Variants in SKOR2 observed in about 807,000 individuals in gnomAD.
SKOR2 encodes SKI family transcriptional corepressor 2, also known as LBX1 corepressor 1-like protein.
Under a neutral mutation model 69.1 loss-of-function variants are expected in SKOR2, and 47 were observed. The observed-to-expected ratio is 0.68, with a 90% confidence interval of 0.54 to 0.87. The LOEUF (loss-of-function observed/expected upper bound fraction) is 0.87. SKOR2 is among the 40% of genes least tolerant of loss of function. The pLI is 0.00. For synonymous variants in SKOR2, 717 were observed against 672.6 expected (o/e 1.07, Z -1.02); for missense variants, 1,404 against 1,472.2 (o/e 0.95, Z 0.76).
At chr18:47,250,011 TG>T (rs1168913859) in intron 1 of SKOR2, among the ~76,000 whole-genome samples, 1 of 152,212 alleles carries the variant, frequency 6.6e-6, no homozygotes, top group African/African-American at 2.4e-5. Context: ...ATTTAAAAAC[TG>T]TTTTACTGTC....
Position 47,247,679 on chromosome 18 carries a change from CT to C in SKOR2, c.1504del (p.Ser502AlafsTer34). The C allele has an allele frequency of 7.3e-7, 1 of 1,372,282 alleles. No individual in the cohort carries two copies. The highest frequency in any genetic ancestry group is 9.4e-7 in the Non-Finnish European group (1 of 1,067,868). The allele number at this position is 1,372,282 out of a possible 1,614,324, so 85.0% of individuals were successfully genotyped here. A position where few individuals can be genotyped will look rare whatever the true frequency, so the allele number is the denominator to read the frequency against. On this transcript the variant is annotated frameshift_variant, in exon 2 of 9. Coordinates refer to ENST00000425639, the MANE Select transcript of SKOR2 (RefSeq NM_001278063.4). LOFTEE classifies it high-confidence loss of function. This position sits in a 1 kb window ranked among gnomAD's most constrained non-coding sequence, Gnocchi z 6.6. ...GAAGGCCTGGCGCAGCAGGGCCGGGCTTTCGCCTAGCGCGCAGCCTAGCGCC... is the reference window on the plus strand; with the variant it reads ...GAAGGCCTGGCGCAGCAGGGCCGGGCTTCGCCTAGCGCGCAGCCTAGCGCC... ...PSALGCALGE[S>X]PALLRQAFLD... is the part of the protein sequence containing the mutation.
At position 47,248,238 on chromosome 18, in the gene SKOR2, C is replaced by A. The variant is rs1332393433; in HGVS notation, c.946G>T (p.Asp316Tyr). 2 of 1,220,550 alleles carry A rather than the reference C, an allele frequency of 1.6e-6. No individual in the cohort carries two copies. Among genetic ancestry groups the A allele is most frequent in the East Asian group, 6.7e-5 (2 of 29,902 alleles). The allele number at this position is 1,220,550 out of a possible 1,614,324, so 75.6% of individuals were successfully genotyped here. A position where few individuals can be genotyped will look rare whatever the true frequency, so the allele number is the denominator to read the frequency against. ...ACTACGGCGGCCTCCTGCAAGGAGT[C>A]GTCGTCGTCGTCGAAGCGCGGCCGC... ...HKRPRFDDDD[D>Y]SLQEAAVVAA... Residue 316 changes from aspartate (D) to tyrosine (Y), a missense_variant, in exon 2 of 9, where the codon GAC becomes TAC. Asp to Tyr is a radical substitution (Grantham distance 160). Coordinates refer to ENST00000425639, the MANE Select transcript of SKOR2 (RefSeq NM_001278063.4). The surrounding 1 kb of genome is among the most constrained non-coding windows in gnomAD (Gnocchi z 6.4).
rs910714252 is a variant in SKOR2, at chr18:47,249,139, C to T, written c.45G>A (p.Ala15=). Residue 15 remains alanine (A), a synonymous_variant, in exon 2 of 9, where the codon GCG becomes GCA. Coordinates refer to ENST00000425639, the MANE Select transcript of SKOR2 (RefSeq NM_001278063.4). The part of the protein sequence containing the change: ...PLPGPNDILL[A]SPSSAFQPDT... ...CGGGCTGGAAGGCGCTCGACGGCGA[C>T]GCCAGCAGGATGTCGTTGGGCCCTG... 12 of 1,535,614 alleles carry T rather than the reference C, an allele frequency of 7.8e-6. No individual in the cohort carries two copies. In the African/African-American group the frequency reaches 9.6e-5, roughly 12 times the overall value.
At chr18:47,218,384 G>A (rs1191640540) in intron 7 of SKOR2, among the ~76,000 whole-genome samples, 2 of 152,088 alleles carry the variant, frequency 1.3e-5, no homozygotes, top group African/African-American at 4.8e-5. Flanking sequence ...GAGGCCAGAA[G>A]TTTAAGACCA....
intron 4 of SKOR2, among the ~76,000 whole-genome samples, chr18:47,237,855 A>T (rs1329397406): frequency 6.6e-6 from 1 of 151,740 alleles, no homozygotes; most frequent in Non-Finnish European, 1.5e-5. Flanking sequence ...GCTAATTTTT[A>T]AAAATATTTT....
intron 7 of SKOR2, among the ~76,000 whole-genome samples, chr18:47,216,489 A>T (rs1457598372): frequency 6.6e-6 from 1 of 152,192 alleles, no homozygotes; most frequent in East Asian, 1.9e-4. Context: ...ATTTATAAAG[A>T]CACAAAGAGA....
chr18:47,249,422 A>G (rs2064303242), intron 1 of SKOR2, among the ~76,000 whole-genome samples, 192 bp from the exon 2 acceptor site: 1 of 152,264 alleles, frequency 6.6e-6, no homozygotes, highest in Non-Finnish European at 1.5e-5. Flanking sequence ...TCCTTTAGAA[A>G]TGCAGGAATT....
chr18:47,236,768 C>T (rs1414307376), intron 4 of SKOR2, among the ~76,000 whole-genome samples: 8 of 152,014 alleles, frequency 5.3e-5, no homozygotes, highest in Admixed American at 3.3e-4. Context: ...GCCACCCAGT[C>T]GATGGTATTA....
intron 6 of SKOR2, 29 bp from the exon 7 acceptor site, chr18:47,220,039 T>G: frequency 6.6e-7 from 1 of 1,513,444 alleles, no homozygotes; most frequent in South Asian, 1.2e-5. Flanking sequence ...AGAGAAAGAT[T>G]AACTAAAGTG....
At chr18:47,243,663 G>A (rs761574783) in intron 4 of SKOR2, among the ~76,000 whole-genome samples, 53 of 152,218 alleles carry the variant, frequency 3.5e-4, no homozygotes, top group Non-Finnish European at 4.0e-4. Context: ...AGTGTAACAG[G>A]AAAATCTACA....
chr18:47,208,987 G>T (rs1268294400), intron 8 of SKOR2, among the ~76,000 whole-genome samples: 1 of 152,148 alleles, frequency 6.6e-6, no homozygotes, highest in African/African-American at 2.4e-5. Flanking sequence ...CCAGGGTAAT[G>T]GATCTTTATG....
chr18:47,214,337 A>T (rs573341535), intron 7 of SKOR2, among the ~76,000 whole-genome samples: 1 of 152,198 alleles, frequency 6.6e-6, no homozygotes, highest in Non-Finnish European at 1.5e-5. Context: ...ACTCAAGAAA[A>T]AAAGGACATT....
At chr18:47,241,119 G>T (rs1208900001) in intron 4 of SKOR2, among the ~76,000 whole-genome samples, 1 of 152,118 alleles carries the variant, frequency 6.6e-6, no homozygotes, top group Non-Finnish European at 1.5e-5. Context: ...CAATGTGAGG[G>T]CAGGGACTCG....
Position 47,247,064 on chromosome 18 carries a change from A to AGAGGGGGCG in SKOR2, c.2111_2119dup (p.Pro704_Pro706dup), listed in dbSNP as rs1362402022. ...GCCTCGGTGGTGCGGGTGCTGGGCC[A>AGAGGGGGCG]GAGGGGGCGGCGGGGGCGGCGGCGG... On this transcript the variant is annotated inframe_insertion, in exon 2 of 9. Transcript: ENST00000425639. The surrounding 1 kb of genome is among the most constrained non-coding windows in gnomAD (Gnocchi z 6.6). 1.9e-5 allele frequency: 23 copies of AGAGGGGGCG among 1,222,234 alleles called. No individual in the cohort carries two copies. The highest frequency in any genetic ancestry group is 2.4e-5 in the Non-Finnish European group (23 of 945,088). The allele number at this position is 1,222,234 out of a possible 1,614,324, so 75.7% of individuals were successfully genotyped here.
chr18:47,221,756 A>G (rs1448924094), intron 6 of SKOR2, among the ~76,000 whole-genome samples: 1 of 152,100 alleles, frequency 6.6e-6, no homozygotes, highest in Non-Finnish European at 1.5e-5. Context: ...GTTGTTATCC[A>G]TCTGTCTCCC....
chr18:47,248,850 A>T lies in SKOR2; in HGVS notation c.334T>A (p.Ser112Thr). The change falls in exon 2 of 9, where the codon TCG becomes ACG. Residue 112 changes from serine (S) to threonine (T), a missense_variant. By Grantham distance (58) the Ser-to-Thr change is moderately conservative (BLOSUM62 1). Coordinates refer to ENST00000425639, the MANE Select transcript of SKOR2 (RefSeq NM_001278063.4). The surrounding 1 kb of genome is among the most constrained non-coding windows in gnomAD (Gnocchi z 6.4). ...TTGGTGATCATGCCGCAGCGGCGCG[A>T]TGAGATGGGCATGGCCCCGGCACGC... is the stretch of plus-strand genomic sequence containing the variant. ...LRRAGAMPIS[S>T]RRCGMITKRE... 1 of 1,563,492 alleles carries T rather than the reference A, an allele frequency of 6.4e-7. No individual in the cohort carries two copies. Among genetic ancestry groups the T allele is most frequent in the Non-Finnish European group, 8.6e-7 (1 of 1,162,312 alleles).
At chr18:47,221,117 A>G (rs888337040) in intron 6 of SKOR2, among the ~76,000 whole-genome samples, 1 of 152,174 alleles carries the variant, frequency 6.6e-6, no homozygotes, top group Non-Finnish European at 1.5e-5. Context: ...TTTACCACTC[A>G]TGAGACTCTG....
At position 47,223,487 on chromosome 18, in the gene SKOR2, T is replaced by C. The variant is rs1313859134; in HGVS notation, c.2918-3477A>G. On this transcript the variant is annotated intron_variant, in intron 6 of 8. Coordinates refer to ENST00000425639, the MANE Select transcript of SKOR2 (RefSeq NM_001278063.4). Reference sequence around the variant, plus strand: ...TTCATACCCTTTAACACAACAACACTTTTAGGAGTTTAACCTAAGGAAATA... The same window carrying C: ...TTCATACCCTTTAACACAACAACACCTTTAGGAGTTTAACCTAAGGAAATA... Among the ~76,000 whole-genome samples the C allele has an allele frequency of 1.3e-5, 2 of 152,170 alleles. 1 individual carries two copies. Among genetic ancestry groups the C allele is most frequent in the African/African-American group, 4.8e-5 (2 of 41,446 alleles).
intron 6 of SKOR2, among the ~76,000 whole-genome samples, chr18:47,223,080 C>T (rs541122092): frequency 2.6e-5 from 4 of 152,246 alleles, no homozygotes; most frequent in African/African-American, 9.6e-5. Flanking sequence ...ACAGATTAAA[C>T]TCCCCAAACA....
Sources: allele counts gnomAD v4.1 joint callset (sites outside exome capture counted in the v4.1 genomes callset), GRCh38; gene constraint gnomAD v4.1.1; non-coding constraint Gnocchi (gnomAD v3.1); transcripts MANE v1.5; gene names NCBI Gene and HGNC (gene_info 2026-07-23, HGNC 2026-07-21).